SEC24B: variants seen among roughly 807,000 people sequenced by gnomAD.
SEC24B encodes the protein SEC24 homolog B, COPII component, also known as protein transport protein Sec24B.
SEC24B carries 45 observed loss-of-function variants against 142.8 expected under a neutral mutation model. The ratio of observed to expected loss-of-function variants is 0.32; its 90% CI spans 0.25 to 0.40. The LOEUF (loss-of-function observed/expected upper bound fraction) is 0.40, where lower values mean the gene tolerates loss of function less well. Ranked by LOEUF, SEC24B falls within the 10% of genes least tolerant of loss-of-function variation. The probability of loss-of-function intolerance (pLI) is 1.00; values close to 1 mark genes in which losing one functional copy is unlikely to be tolerated. For synonymous variants in SEC24B, 574 were observed against 568.2 expected (o/e 1.01, Z -0.15); for missense variants, 1,409 against 1,526.8 (o/e 0.92, Z 1.29).
In SEC24B at chr4:109,540,329, A is replaced by G. The variant is rs886935661; in HGVS notation, c.*654A>G. On this transcript the variant is annotated 3_prime_UTR_variant, in exon 24 of 24. Transcript: ENST00000265175. ...CAACTCTTTTTGTCACAGTTAGAGA[A>G]TGAGGTTGACTAATGCATATTATGA... is the stretch of plus-strand genomic sequence containing the variant. 6 of 152,696 alleles carry G rather than the reference A, an allele frequency of 3.9e-5. No individual in the cohort carries two copies. The highest frequency in any genetic ancestry group is 7.3e-5 in the Non-Finnish European group (5 of 68,052). The allele number at this position is 152,696 out of a possible 1,614,324, so 9.5% of individuals were successfully genotyped here. A position where few individuals can be genotyped will look rare whatever the true frequency, so the allele number is the denominator to read the frequency against.
At chr4:109,451,563 T>A (rs6850156) in intron 1 of SEC24B, among the ~76,000 whole-genome samples, 79 of 152,288 alleles carry the variant, frequency 5.2e-4, no homozygotes, top group Admixed American at 1.3e-3. Context: ...AATCTTTTTG[T>A]TGTTTGGCCA....
chr4:109,443,810 C>G (rs539540459), intron 1 of SEC24B, among the ~76,000 whole-genome samples: 35 of 152,238 alleles, frequency 2.3e-4, no homozygotes, highest in South Asian at 1.5e-3. Flanking sequence ...AGAACTTCAG[C>G]TATATCTAAA....
intron 1 of SEC24B, among the ~76,000 whole-genome samples, chr4:109,456,553 AG>A (rs1399640468): frequency 6.6e-6 from 1 of 152,032 alleles, no homozygotes; most frequent in Admixed American, 6.6e-5. Context: ...AGTCCTTATC[AG>A]GTTAAGAAAG....
At chr4:109,535,825 C>G (rs1314307586) in intron 22 of SEC24B, among the ~76,000 whole-genome samples, 1 of 151,644 alleles carries the variant, frequency 6.6e-6, no homozygotes, top group Non-Finnish European at 1.5e-5. Context: ...GCGTTCCAGC[C>G]TGGGTGACAG....
intron 18 of SEC24B, among the ~76,000 whole-genome samples, chr4:109,528,745 A>G (rs556495136): frequency 6.6e-6 from 1 of 152,328 alleles, no homozygotes; most frequent in African/African-American, 2.4e-5. Flanking sequence ...CTTGTAGATG[A>G]ACTTAGACAT....
chr4:109,526,485 T>A (rs886862712), intron 17 of SEC24B, 86 bp downstream of exon 17: 2 of 931,254 alleles, frequency 2.1e-6, no homozygotes, highest in African/African-American at 1.7e-5. Context: ...GGAAAAAGAA[T>A]GAATACACAG....
intron 1 of SEC24B, among the ~76,000 whole-genome samples, chr4:109,452,646 T>C (rs576683805): frequency 1.2e-4 from 19 of 152,368 alleles, no homozygotes; most frequent in African/African-American, 4.3e-4. Context: ...TAATAACTAA[T>C]GATGAGCATC....
At position 109,494,673 on chromosome 4, in the gene SEC24B, T is replaced by C. The variant is rs1358533592; in HGVS notation, c.1305T>C (p.Pro435=). ...CTGATCCCGCCCCTGAACCTGATCC[T>C]GCTTCTGCTCCAGCTCCAGCTTCAG... is the stretch of plus-strand genomic sequence containing the variant. ...PAPDPAPEPD[P]ASAPAPASAP... Residue 435 remains proline, a synonymous_variant, in exon 6 of 24, where the codon CCT becomes CCC. Coordinates refer to ENST00000265175, the MANE Select transcript of SEC24B (RefSeq NM_006323.5). The C allele has an allele frequency of 6.2e-7, 1 of 1,613,920 alleles. No individual in the cohort carries two copies. The highest frequency in any genetic ancestry group is 8.5e-7 in the Non-Finnish European group (1 of 1,179,776).
At chr4:109,525,178 C>A (rs1212061611) in intron 15 of SEC24B, among the ~76,000 whole-genome samples, 168 bp from the exon 16 acceptor site, 1 of 152,006 alleles carries the variant, frequency 6.6e-6, no homozygotes, top group Non-Finnish European at 1.5e-5. Flanking sequence ...TAAACTTTAT[C>A]ATATATTTTA....
rs571262555 is a variant in SEC24B at position 109,536,293 on chromosome 4, A to G, written c.3589-2200A>G. On this transcript the variant is annotated intron_variant, in intron 22 of 23. Coordinates refer to ENST00000265175, the MANE Select transcript of SEC24B (RefSeq NM_006323.5). ...AGATCAGTGGGACAGAATAGAGTTC[A>G]GAAACAGATCTAATTAATGAAAAAT... Among the ~76,000 whole-genome samples, 7 of 152,358 alleles carry G rather than the reference A, an allele frequency of 4.6e-5. No individual in the cohort carries two copies. The East Asian group carries it at 1.3e-3, about 29-fold the overall frequency.
intron 11 of SEC24B, among the ~76,000 whole-genome samples, chr4:109,517,382 C>T (rs570569345): frequency 6.6e-6 from 1 of 152,086 alleles, no homozygotes; most frequent in African/African-American, 2.4e-5. Flanking sequence ...ATTGCGTGTT[C>T]TCATTCATTG....
At chr4:109,502,575 A>G (rs1037169431) in intron 6 of SEC24B, among the ~76,000 whole-genome samples, 2 of 152,216 alleles carry the variant, frequency 1.3e-5, no homozygotes, top group African/African-American at 4.8e-5. Context: ...GAAGGTGTCA[A>G]GAGTAACTCC....
intron 3 of SEC24B, among the ~76,000 whole-genome samples, chr4:109,475,220 A>G (rs1456536208): frequency 6.6e-6 from 1 of 152,176 alleles, no homozygotes; most frequent in Non-Finnish European, 1.5e-5. Flanking sequence ...TTCCTTTTTC[A>G]TAAGTAGGAG....
At chr4:109,510,546 G>A (rs2126046258) in intron 8 of SEC24B, among the ~76,000 whole-genome samples, 1 of 152,238 alleles carries the variant, frequency 6.6e-6, no homozygotes, top group Admixed American at 6.5e-5. Context: ...AAGGTGGAAT[G>A]GCCCTGGAAG....
intron 1 of SEC24B, among the ~76,000 whole-genome samples, chr4:109,436,114 A>T (rs1728388623): frequency 6.6e-6 from 1 of 152,180 alleles, no homozygotes; most frequent in African/African-American, 2.4e-5. Context: ...GGTAAAGTGT[A>T]AGAACTAGGG....
intron 2 of SEC24B, among the ~76,000 whole-genome samples, chr4:109,463,969 G>A (rs1360103163): frequency 6.6e-6 from 1 of 152,078 alleles, no homozygotes; most frequent in Admixed American, 6.5e-5. Context: ...AGGATATGTT[G>A]GCCACTATTT....
At chr4:109,470,868 A>T (rs1484726224) in intron 2 of SEC24B, among the ~76,000 whole-genome samples, 1 of 152,242 alleles carries the variant, frequency 6.6e-6, no homozygotes, top group Non-Finnish European at 1.5e-5. Context: ...TATAAAGTTT[A>T]TAAAAAGAGC....
At chr4:109,512,444 A>G (rs985391784) in intron 9 of SEC24B, among the ~76,000 whole-genome samples, 14 of 152,174 alleles carry the variant, frequency 9.2e-5, no homozygotes, top group African/African-American at 2.4e-4. Flanking sequence ...GGATGCATGC[A>G]TGTATATATG....
At chr4:109,449,627 T>TG (rs1729853670) in intron 1 of SEC24B, 1 of 413,456 alleles carries the variant, frequency 2.4e-6, no homozygotes, top group Non-Finnish European at 4.8e-6. Context: ...TGTCACTGTG[T>TG]GCTCACATGG....
Sources: gnomAD v4.1 joint callset for allele counts (sites outside exome capture counted in the v4.1 genomes callset) on GRCh38, gnomAD v4.1.1 for gene constraint, MANE v1.5 for transcripts, NCBI Gene and HGNC (gene_info 2026-07-23, HGNC 2026-07-21) for gene names.